SAMSN1: variants seen among roughly 807,000 people sequenced by gnomAD.
The protein encoded by SAMSN1 is SAM domain, SH3 domain and nuclear localization signals 1.
Under a neutral mutation model 42.0 loss-of-function variants are expected in SAMSN1, and 31 were observed. The observed-to-expected ratio is 0.74, with a 90% CI of 0.55 to 1.00. SAMSN1 has a LOEUF of 1.00. Ranked by LOEUF, SAMSN1 falls within the 50% of genes least tolerant of loss-of-function variation. SAMSN1 has a pLI of 0.00. For missense variants in SAMSN1, 464 were observed against 439.4 expected (o/e 1.06, Z -0.50); for synonymous variants, 178 against 151.9 (o/e 1.17, Z -1.26).
At chr21:14,592,571 C>A in intron 7 of SAMSN1, 1 of 307,958 alleles carries the variant, frequency 3.2e-6, no homozygotes, top group African/African-American at 2.2e-5. Context: ...TTCATTGTTC[C>A]TCAAATATCC....
In SAMSN1 at chr21:14,546,254, T is replaced by C. The variant is rs778752606; in HGVS notation, c.8A>G (p.Lys3Arg). The C allele has an allele frequency of 5.0e-6, 8 of 1,613,488 alleles. No individual in the cohort carries two copies. In the Admixed American group the frequency reaches 5.0e-5, roughly 10 times the overall value. ...CTCTGAAACATTGGATGGCTTTCTC[T>C]TGAGCATTTTGAATTCTGACTACTC... ML[K>R]RKPSNVSEKE... Residue 3 changes from lysine to arginine, a missense_variant, in exon 1 of 8, where the codon AAG becomes AGG. By Grantham distance (26) the Lys-to-Arg change is conservative. Coordinates refer to ENST00000400566, the MANE Select transcript of SAMSN1 (RefSeq NM_022136.5).
exon 2 of SAMSN1, chr21:14,582,151 A>T: frequency 6.5e-7 from 1 of 1,548,340 alleles, no homozygotes; most frequent in South Asian, 1.2e-5. Flanking sequence ...AATGTAGGAG[A>T]TCCATATCTG....
At chr21:14,643,129 C>A in exon 2 of SAMSN1, 1 of 716,948 alleles carries the variant, frequency 1.4e-6, no homozygotes, top group Non-Finnish European at 2.6e-6. Flanking sequence ...ATCCATAGAG[C>A]CCTCCTGCAA....
At chr21:14,631,470 C>T (rs559623631) in intron 2 of SAMSN1, among the ~76,000 whole-genome samples, 2 of 152,226 alleles carry the variant, frequency 1.3e-5, no homozygotes, top group South Asian at 2.1e-4. Context: ...TGGGTTCAAG[C>T]GATTCTCCTG....
At chr21:14,506,352 G>T (rs949222185) in intron 5 of SAMSN1, among the ~76,000 whole-genome samples, 5 of 149,968 alleles carry the variant, frequency 3.3e-5, no homozygotes, top group African/African-American at 1.3e-4. Context: ...AATATGAAAT[G>T]AAACGGGGTA....
intron 1 of SAMSN1, among the ~76,000 whole-genome samples, chr21:14,539,511 A>C (rs529102223): frequency 6.6e-6 from 1 of 152,246 alleles, no homozygotes; most frequent in Non-Finnish European, 1.5e-5. Flanking sequence ...AGACAAACAG[A>C]GAGCCAAATC....
upstream of SAMSN1, among the ~76,000 whole-genome samples, chr21:14,584,703 C>T (rs1289784306): frequency 2.6e-5 from 4 of 152,134 alleles, no homozygotes; most frequent in Non-Finnish European, 5.9e-5. Context: ...ATTTCTCCAC[C>T]TGCTTTTGTC....
chr21:14,549,757 G>A (rs577631704), upstream of SAMSN1, among the ~76,000 whole-genome samples: 1 of 152,060 alleles, frequency 6.6e-6, no homozygotes, highest in Non-Finnish European at 1.5e-5. Flanking sequence ...TTAAGAAAAG[G>A]AGTCAATCAT....
intron 5 of SAMSN1, among the ~76,000 whole-genome samples, chr21:14,602,990 A>G (rs1982474280): frequency 6.6e-6 from 1 of 152,170 alleles, no homozygotes; most frequent in African/African-American, 2.4e-5. Flanking sequence ...TCTCAAAGTT[A>G]TTTGCACCAA....
chr21:14,573,927 GT>G (rs1229506425), intron 2 of SAMSN1, among the ~76,000 whole-genome samples: 1 of 152,078 alleles, frequency 6.6e-6, no homozygotes, highest in Non-Finnish European at 1.5e-5. Flanking sequence ...TGCAAAATAT[GT>G]CTTTTCTATA....
chr21:14,617,362 T>C (rs574609183), intron 2 of SAMSN1, among the ~76,000 whole-genome samples: 1 of 152,318 alleles, frequency 6.6e-6, no homozygotes, highest in South Asian at 2.1e-4. Context: ...GCCAGATCTT[T>C]CCAAACCTCA....
chr21:14,633,898 T>C (rs1983395365), intron 2 of SAMSN1, among the ~76,000 whole-genome samples: 1 of 152,186 alleles, frequency 6.6e-6, no homozygotes, highest in Non-Finnish European at 1.5e-5. Flanking sequence ...ATATTGTTTG[T>C]CTTTAAAACT....
chr21:14,520,080 A>T (rs1325899929), intron 2 of SAMSN1, among the ~76,000 whole-genome samples: 1 of 152,260 alleles, frequency 6.6e-6, no homozygotes, highest in Non-Finnish European at 1.5e-5. Flanking sequence ...ATTGTTATAG[A>T]TAGATAAAGT....
intron 2 of SAMSN1, among the ~76,000 whole-genome samples, chr21:14,635,235 G>A (rs1421603572): frequency 6.6e-6 from 1 of 151,996 alleles, no homozygotes; most frequent in South Asian, 2.1e-4. Flanking sequence ...ATGTATGCGG[G>A]GCTTAAAACT....
chr21:14,654,932 T>A (rs1362455283), intron 1 of SAMSN1, among the ~76,000 whole-genome samples: 1 of 151,792 alleles, frequency 6.6e-6, no homozygotes, highest in African/African-American at 2.4e-5. Flanking sequence ...CATGAAGAGA[T>A]CAAATGCTGA....
At chr21:14,557,011 G>C (rs1980782153) in intron 2 of SAMSN1, among the ~76,000 whole-genome samples, 1 of 152,134 alleles carries the variant, frequency 6.6e-6, no homozygotes, top group South Asian at 2.1e-4. Flanking sequence ...TGGTTGGAAA[G>C]AAATCAGATT....
chr21:14,605,807 G>GATT, intron 5 of SAMSN1, among the ~76,000 whole-genome samples: 1 of 144,056 alleles, frequency 6.9e-6, no homozygotes, highest in Admixed American at 7.0e-5. Context: ...ATGTAAAGAA[G>GATT]ATTTATTTAT....
chr21:14,651,757 T>A (rs1983840785), intron 1 of SAMSN1, among the ~76,000 whole-genome samples: 1 of 152,042 alleles, frequency 6.6e-6, no homozygotes, highest in African/African-American at 2.4e-5. Context: ...GCAGATGATA[T>A]GATATGATTT....
chr21:14,489,011 CTAA>C (rs1986561559), intron 7 of SAMSN1, among the ~76,000 whole-genome samples: 3 of 152,294 alleles, frequency 2.0e-5, no homozygotes, highest in African/African-American at 7.2e-5. Flanking sequence ...CATCCTGACA[CTAA>C]TGACAGGGAT....
Sources: gnomAD v4.1 joint callset for allele counts (sites outside exome capture counted in the v4.1 genomes callset) on GRCh38, gnomAD v4.1.1 for gene constraint, MANE v1.5 for transcripts, NCBI Gene and HGNC (gene_info 2026-07-23, HGNC 2026-07-21) for gene names.